The following CCDC125 variants were observed in gnomAD, a reference collection of about 807,000 sequenced individuals.
CCDC125 encodes the protein coiled-coil domain-containing protein 125.
CCDC125 carries 43 observed loss-of-function variants against 57.4 expected under a neutral mutation model. The observed-to-expected ratio is 0.75, with a 90% CI of 0.59 to 0.97. The LOEUF (loss-of-function observed/expected upper bound fraction) is 0.97, where lower values mean the gene tolerates loss of function less well. CCDC125 is among the 50% of genes least tolerant of loss of function. The pLI is 0.00. For synonymous variants in CCDC125, 187 were observed against 195.2 expected, an observed-to-expected ratio of 0.96 and a Z score of 0.35; for missense variants, 563 against 595.7, an observed-to-expected ratio of 0.95 and a Z score of 0.57.
intron 11 of CCDC125, among the ~76,000 whole-genome samples, chr5:69,284,672 G>T (rs2150291155): frequency 6.6e-6 from 1 of 152,310 alleles, no homozygotes; most frequent in East Asian, 1.9e-4. Flanking sequence ...GCAAGTGCAA[G>T]TCTAGAGAGA....
Position 69,294,393 on chromosome 5 carries a change from C to T in CCDC125, c.924+400G>A, listed in dbSNP as rs543898817. On this transcript the variant is annotated intron_variant, in intron 9 of 11. Coordinates refer to ENST00000396496, the MANE Select transcript of CCDC125 (RefSeq NM_176816.5). ...TGTAATCTCGGCTCACTGCAACCTC[C>T]GCCTCCCGGATTCAAGCGATTCTCC... is the stretch of plus-strand genomic sequence containing the variant. 3.5e-4 allele frequency among the ~76,000 whole-genome samples: 53 copies of T among 151,834 alleles called. No homozygotes were observed. The South Asian group carries it at 0.01, about 30-fold the overall frequency.
At chr5:69,323,166 G>A (rs943294699) in intron 1 of CCDC125, among the ~76,000 whole-genome samples, 5 of 151,570 alleles carry the variant, frequency 3.3e-5, no homozygotes, top group Admixed American at 6.6e-5. Flanking sequence ...AAAATTAGCC[G>A]GGCATTGTGG....
At chr5:69,276,654 G>C (rs777663501), downstream of CCDC125, 1 of 1,614,100 alleles carries the variant, frequency 6.2e-7, no homozygotes, top group South Asian at 1.1e-5. Context: ...TCCAGCTTTG[G>C]CAATAAAAAG....
At chr5:69,307,147 A>C (rs547048628) in intron 5 of CCDC125, among the ~76,000 whole-genome samples, 3 of 152,240 alleles carry the variant, frequency 2.0e-5, no homozygotes, top group South Asian at 2.1e-4. Flanking sequence ...TGCCTTCAAA[A>C]TTTGCTGGGC....
intron 1 of CCDC125, among the ~76,000 whole-genome samples, chr5:69,322,012 T>G (rs1322354376): frequency 6.6e-6 from 1 of 150,590 alleles, no homozygotes; most frequent in African/African-American, 2.4e-5. Context: ...AATTTTCTAT[T>G]TTTTTTTTAG....
downstream of CCDC125, among the ~76,000 whole-genome samples, chr5:69,279,716 C>CTT (rs1371974407): frequency 1.3e-5 from 2 of 152,038 alleles, no homozygotes; most frequent in Non-Finnish European, 2.9e-5. Flanking sequence ...AAGGGAGAAG[C>CTT]AGCCAAGCAG....
intron 1 of CCDC125, among the ~76,000 whole-genome samples, chr5:69,331,658 G>A (rs903334668): frequency 1.3e-4 from 20 of 152,138 alleles, no homozygotes; most frequent in African/African-American, 4.8e-4. Flanking sequence ...TGTACTCTGC[G>A]CTTCCACGTA....
chr5:69,278,049 T>C (rs886113915), downstream of CCDC125, among the ~76,000 whole-genome samples: 4 of 151,968 alleles, frequency 2.6e-5, no homozygotes, highest in African/African-American at 9.7e-5. Flanking sequence ...TGCCTAATTT[T>C]TTTTATATTT....
intron 8 of CCDC125, among the ~76,000 whole-genome samples, chr5:69,297,912 G>T (rs745371626): frequency 3.3e-5 from 5 of 151,692 alleles, no homozygotes; most frequent in Non-Finnish European, 7.4e-5. Context: ...GGTCTAAGCT[G>T]CAGTGAGCCA....
At position 69,301,898 on chromosome 5, in the gene CCDC125, A is replaced by AAATAATAAT. The variant is rs71305003; in HGVS notation, c.701-1780_701-1772dup. Among the ~76,000 whole-genome samples the AAATAATAAT allele has an allele frequency of 2.2e-4, 32 of 145,634 alleles. No homozygotes were observed. The South Asian group carries it at 2.5e-3, about 11-fold the overall frequency. ...GGCGACAGAGTGAGATTCTGTCTCA[A>AAATAATAAT]AATAATAATAATAATAATAATAATA... is the stretch of plus-strand genomic sequence containing the variant. On this transcript the variant is annotated intron_variant, in intron 7 of 11. Transcript: ENST00000396496.
intron 9 of CCDC125, chr5:69,294,307 C>CT (rs563046305): frequency 7.2e-3 from 1,217 of 168,548 alleles, no homozygotes; most frequent in Non-Finnish European, 0.013. Flanking sequence ...ATGCCAAGTA[C>CT]TTTTTTTTTT....
rs139387249 is a variant in CCDC125 at position 69,320,474 on chromosome 5, T to C, written c.67A>G (p.Met23Val). ...VQLWETEEDDMTEGDLGYGLG... is the reference protein window; with the variant it reads ...VQLWETEEDDVTEGDLGYGLG... ...CCATACCCTAAATCACCTTCTGTCA[T>C]GTCATCCTCTTCTGTTTCCCAGAGC... is the stretch of plus-strand genomic sequence containing the variant. Residue 23 changes from methionine (M) to valine (V), a missense_variant, in exon 2 of 12, where the codon ATG becomes GTG. Transcript: ENST00000396496. 892 of 1,613,748 alleles carry C rather than the reference T, an allele frequency of 5.5e-4. 4 individuals carry two copies. The East Asian group carries it at 0.017, about 31-fold the overall frequency.
chr5:69,304,441 T>G (rs1245510998), intron 6 of CCDC125, among the ~76,000 whole-genome samples: 1 of 150,770 alleles, frequency 6.6e-6, no homozygotes, highest in Admixed American at 6.7e-5. Flanking sequence ...TTTTTTTCTT[T>G]TTGAGACGGA....
chr5:69,303,304 C>A (rs189606549), intron 7 of CCDC125, among the ~76,000 whole-genome samples: 96 of 152,038 alleles, frequency 6.3e-4, no homozygotes, highest in Middle Eastern at 6.8e-3. Flanking sequence ...CCTGCCTTGG[C>A]CTCCCAAAGT....
At chr5:69,321,249 A>G (rs1408981876) in intron 1 of CCDC125, among the ~76,000 whole-genome samples, 5 of 152,222 alleles carry the variant, frequency 3.3e-5, no homozygotes, top group Non-Finnish European at 5.9e-5. Context: ...ATTATTCCAC[A>G]TTGTATTCAT....
At chr5:69,298,249 T>C (rs1405089294) in intron 8 of CCDC125, among the ~76,000 whole-genome samples, 3 of 151,972 alleles carry the variant, frequency 2.0e-5, no homozygotes, top group Non-Finnish European at 4.4e-5. Flanking sequence ...CTCCTGACCT[T>C]GTGATCCGCC....
In CCDC125 at chr5:69,308,336, A is replaced by T. The variant is rs1341413721; in HGVS notation, c.454-308T>A. 3 of 359,966 alleles carry T rather than the reference A, an allele frequency of 8.3e-6. No individual in the cohort carries two copies. The East Asian group carries it at 1.6e-4, about 20-fold the overall frequency. 22.3% of individuals were successfully genotyped at this position (359,966 alleles called of 1,614,324 possible). A position where few individuals can be genotyped will look rare whatever the true frequency, so the allele number is the denominator to read the frequency against. ...GGTTTGGCTCTGTGTCCCCACCCAA[A>T]TCTCATTTTGAATTGTACTCTCATA... On this transcript the variant is annotated intron_variant, in intron 4 of 11. Coordinates refer to ENST00000396496, the MANE Select transcript of CCDC125 (RefSeq NM_176816.5).
At chr5:69,313,699 C>T (rs1189969612) in intron 3 of CCDC125, 1 of 763,346 alleles carries the variant, frequency 1.3e-6, no homozygotes, top group African/African-American at 1.7e-5. Flanking sequence ...TCCACATTGC[C>T]CACCAGTATC....
chr5:69,293,533 C>T (rs1161345599), intron 9 of CCDC125, among the ~76,000 whole-genome samples: 1 of 151,506 alleles, frequency 6.6e-6, no homozygotes, highest in Non-Finnish European at 1.5e-5. Flanking sequence ...GCCTGTAATC[C>T]CAGCTACTCA....
Sources: allele counts gnomAD v4.1 joint callset (sites outside exome capture counted in the v4.1 genomes callset), GRCh38; gene constraint gnomAD v4.1.1; transcripts MANE v1.5; gene names NCBI Gene and HGNC (gene_info 2026-07-23, HGNC 2026-07-21).